The following SH3KBP1 variants were observed in gnomAD, a reference collection of about 807,000 sequenced individuals.
SH3KBP1 encodes SH3 domain containing kinase binding protein 1.
In SH3KBP1, 8 loss-of-function variants were observed where a neutral mutation model predicts 50.1. The ratio of observed to expected loss-of-function variants is 0.16; its 90% confidence interval spans 0.09 to 0.29. SH3KBP1 has a LOEUF of 0.29. SH3KBP1 is among the 10% of genes least tolerant of loss of function. The pLI is 1.00. For synonymous variants in SH3KBP1, 227 were observed against 218.6 expected, an observed-to-expected ratio of 1.04 and a Z score of -0.34; for missense variants, 377 against 535.2, an observed-to-expected ratio of 0.70 and a Z score of 2.92.
chrX:19,649,942 C>G (rs2062084448), intron 6 of SH3KBP1, among the ~76,000 whole-genome samples: 1 of 112,169 alleles, frequency 8.9e-6, no homozygotes, highest in Non-Finnish European at 1.9e-5. Flanking sequence ...TATAAAATTC[C>G]TTCTCCTACT....
intron 2 of SH3KBP1, among the ~76,000 whole-genome samples, chrX:19,814,299 C>A (rs1173088618): frequency 1.8e-5 from 2 of 111,258 alleles, no homozygotes; most frequent in Non-Finnish European, 3.8e-5. Flanking sequence ...GCTCTCCTCG[C>A]TTCCACCCTT....
chrX:19,537,221 C>G (rs1308366034), intron 17 of SH3KBP1, among the ~76,000 whole-genome samples: 1 of 111,208 alleles, frequency 9.0e-6, no homozygotes. Flanking sequence ...CTTTGGGAGG[C>G]TGAGGCAGGA....
At chrX:19,617,505 G>T (rs2067653087) in intron 8 of SH3KBP1, among the ~76,000 whole-genome samples, 1 of 112,414 alleles carries the variant, frequency 8.9e-6, no homozygotes, top group Non-Finnish European at 1.9e-5. Flanking sequence ...GAAAGAATGT[G>T]TGAAATGAAG....
intron 2 of SH3KBP1, among the ~76,000 whole-genome samples, chrX:19,787,650 A>G (rs142279839): frequency 1.2e-4 from 14 of 112,024 alleles, no homozygotes; most frequent in African/African-American, 4.6e-4. Flanking sequence ...CAGCCAACAT[A>G]TACAAAAAAG....
chrX:19,695,066 A>T, intron 5 of SH3KBP1: 1 of 1,184,623 alleles, frequency 8.4e-7, no homozygotes, highest in Non-Finnish European at 1.1e-6. Flanking sequence ...AGAAAGAAAG[A>T]CCTGAAGTTC....
chrX:19,557,836 G>A (rs1283745358), intron 13 of SH3KBP1, among the ~76,000 whole-genome samples: 1 of 112,040 alleles, frequency 8.9e-6, no homozygotes, highest in Non-Finnish European at 1.9e-5. Context: ...CCCACTGAGG[G>A]AGACAGGCTT....
chrX:19,596,093 C>T (rs1335546898), intron 9 of SH3KBP1, among the ~76,000 whole-genome samples: 1 of 111,282 alleles, frequency 9.0e-6, no homozygotes, highest in African/African-American at 3.3e-5. Flanking sequence ...CCTTCTCTGT[C>T]GTTGTGTTAA....
intron 2 of SH3KBP1, 150 bp downstream of exon 2, chrX:19,835,975 G>A (rs1326348501): frequency 9.2e-6 from 5 of 541,197 alleles, no homozygotes; most frequent in Non-Finnish European, 1.5e-5. Flanking sequence ...AGATACCAAG[G>A]GCAAAACTAT....
chrX:19,712,487 CT>C (rs755641553), intron 3 of SH3KBP1, among the ~76,000 whole-genome samples: 3 of 111,082 alleles, frequency 2.7e-5, no homozygotes, highest in Non-Finnish European at 5.7e-5. Context: ...CCTTTTTTCT[CT>C]TTTTTTTAAC....
At chrX:19,673,183 A>G (rs988255013) in intron 6 of SH3KBP1, among the ~76,000 whole-genome samples, 17 of 111,334 alleles carry the variant, frequency 1.5e-4, no homozygotes, top group African/African-American at 5.6e-4. Flanking sequence ...CAACTTTTCC[A>G]TAAATCTAAA....
chrX:19,671,970 T>TA (rs914552853), intron 6 of SH3KBP1, among the ~76,000 whole-genome samples: 1 of 112,075 alleles, frequency 8.9e-6, no homozygotes, highest in African/African-American at 3.2e-5. Flanking sequence ...TAAACTAATT[T>TA]AAAAACCATT....
At chrX:19,559,131 G>A (rs1178424341) in intron 13 of SH3KBP1, among the ~76,000 whole-genome samples, 1 of 104,207 alleles carries the variant, frequency 9.6e-6, no homozygotes, top group African/African-American at 3.5e-5. Context: ...ATTTAGCTGG[G>A]TGTGGTGGCC....
intron 13 of SH3KBP1, among the ~76,000 whole-genome samples, chrX:19,568,171 T>C (rs1287761534): frequency 9.0e-6 from 1 of 111,605 alleles, no homozygotes; most frequent in East Asian, 2.8e-4. Context: ...TTAGAAAGAA[T>C]GAATAAGACC....
intron 13 of SH3KBP1, among the ~76,000 whole-genome samples, chrX:19,553,882 ATATATAT>A (rs1246129062): frequency 1.8e-4 from 15 of 82,021 alleles, no homozygotes; most frequent in South Asian, 5.0e-4. Flanking sequence ...TTAATATATA[ATATATAT>A]TATATATTAT....
intron 8 of SH3KBP1, among the ~76,000 whole-genome samples, chrX:19,608,883 C>T (rs1255989994): frequency 8.9e-6 from 1 of 112,369 alleles, no homozygotes; most frequent in Non-Finnish European, 1.9e-5. Flanking sequence ...ATGAAAATCC[C>T]TTCCTCCACT....
intron 3 of SH3KBP1, among the ~76,000 whole-genome samples, chrX:19,715,924 C>T (rs999504592): frequency 3.6e-5 from 4 of 110,668 alleles, no homozygotes; most frequent in African/African-American, 1.3e-4. Flanking sequence ...GTGCCAGGGG[C>T]TCAGGGGGTG....
At chrX:19,592,489 C>G (rs955637933) in intron 10 of SH3KBP1, among the ~76,000 whole-genome samples, 1 of 111,575 alleles carries the variant, frequency 9.0e-6, no homozygotes, top group African/African-American at 3.3e-5. Flanking sequence ...AATTATCAAA[C>G]TTTACAAATA....
At chrX:19,605,295 G>A (rs2067211305) in intron 9 of SH3KBP1, among the ~76,000 whole-genome samples, 1 of 111,571 alleles carries the variant, frequency 9.0e-6, no homozygotes, top group African/African-American at 3.3e-5. Flanking sequence ...GTGAGGTAAT[G>A]CATATGGTAA....
chrX:19,618,201 T>C (rs2067676203), intron 8 of SH3KBP1, among the ~76,000 whole-genome samples: 1 of 109,690 alleles, frequency 9.1e-6, no homozygotes, highest in African/African-American at 3.3e-5. Context: ...CTGACCAACA[T>C]GGTGAATCCC....
Sources: gnomAD v4.1 joint callset for allele counts (sites outside exome capture counted in the v4.1 genomes callset) on GRCh38, gnomAD v4.1.1 for gene constraint, MANE v1.5 for transcripts, NCBI Gene and HGNC (gene_info 2026-07-23, HGNC 2026-07-21) for gene names.